NRG1: variants seen among roughly 807,000 people sequenced by gnomAD.
The protein encoded by NRG1 is pro-neuregulin-1, membrane-bound isoform.
Under a neutral mutation model 63.8 loss-of-function variants are expected in NRG1, and 18 were observed. The ratio of observed to expected loss-of-function variants is 0.28; its 90% CI spans 0.19 to 0.42. The LOEUF is 0.42. Among genes scored for constraint, NRG1 ranks in the 10% least tolerant of loss-of-function variants. NRG1 has a pLI of 1.00. For missense variants in NRG1, 762 were observed against 814.7 expected (o/e 0.94, Z 0.79); for synonymous variants, 302 against 301.3 (o/e 1.00, Z -0.02).
chr8:31,750,560 A>C (rs868119906), intron 1 of NRG1, among the ~76,000 whole-genome samples: 11 of 152,106 alleles, frequency 7.2e-5, no homozygotes, highest in Middle Eastern at 3.4e-3. Context: ...GGACGTAATC[A>C]GTAGAGAGAA....
At position 32,090,877 on chromosome 8, in the gene NRG1, G is replaced by C. The variant is rs549746204; in HGVS notation, c.37+451446G>C. 5.3e-5 allele frequency among the ~76,000 whole-genome samples: 8 copies of C among 152,220 alleles called. No individual in the cohort carries two copies. In the South Asian group the frequency reaches 1.5e-3, roughly 28 times the overall value. On this transcript the variant is annotated intron_variant, in intron 1 of 10. Coordinates refer to the NRG1 transcript ENST00000519301. ...CATACTCTACATTAGTCACTACCAC[G>C]ACCATCATCATCATTATGACCAAAA...
At chr8:31,843,152 G>A (rs1826353738) in intron 1 of NRG1, among the ~76,000 whole-genome samples, 1 of 151,934 alleles carries the variant, frequency 6.6e-6, no homozygotes, top group Non-Finnish European at 1.5e-5. Context: ...GAATTTCAGT[G>A]AACCTTGCAG....
intron 8 of NRG1, 41 bp from the exon 9 acceptor site, chr8:32,756,362 A>C: frequency 6.3e-7 from 1 of 1,598,266 alleles, no homozygotes; most frequent in Non-Finnish European, 8.5e-7. Flanking sequence ...ATGAAATGAA[A>C]ATAATCAAAA....
chr8:31,904,322 C>T (rs1042987538), intron 1 of NRG1, among the ~76,000 whole-genome samples: 2 of 152,138 alleles, frequency 1.3e-5, no homozygotes, highest in Admixed American at 1.3e-4. Context: ...ATCGCTGAAG[C>T]TGTCAAGATC....
intron 1 of NRG1, among the ~76,000 whole-genome samples, chr8:31,909,915 C>T (rs567126424): frequency 1.4e-4 from 22 of 152,202 alleles, no homozygotes; most frequent in African/African-American, 4.1e-4. Flanking sequence ...AGCCACTCTT[C>T]GTGATGTGAG....
At chr8:32,450,028 G>A (rs1287560557) in intron 1 of NRG1, among the ~76,000 whole-genome samples, 1 of 152,162 alleles carries the variant, frequency 6.6e-6, no homozygotes, top group African/African-American at 2.4e-5. Flanking sequence ...TAACTGAACT[G>A]TGATTGAATT....
intron 1 of NRG1, among the ~76,000 whole-genome samples, chr8:32,313,746 A>G (rs1857072374): frequency 9.2e-5 from 14 of 152,314 alleles, no homozygotes; most frequent in Admixed American, 9.1e-4. Flanking sequence ...TATTTTTAAA[A>G]CATCATAAGG....
chr8:32,004,659 G>A, intron 1 of NRG1, among the ~76,000 whole-genome samples: 1 of 151,828 alleles, frequency 6.6e-6, no homozygotes, highest in East Asian at 1.9e-4. Flanking sequence ...GAAAATATGG[G>A]AAGTATGGAT....
chr8:32,759,489 A>G (rs1830308082), intron 10 of NRG1, 53 bp downstream of exon 10: 1 of 1,587,206 alleles, frequency 6.3e-7, no homozygotes, highest in Non-Finnish European at 8.6e-7. Flanking sequence ...ATTGTTGCAC[A>G]TTGCCTTTTG....
At chr8:31,809,153 A>G (rs988167225) in intron 1 of NRG1, among the ~76,000 whole-genome samples, 2 of 151,790 alleles carry the variant, frequency 1.3e-5, no homozygotes, top group Non-Finnish European at 2.9e-5. Context: ...TCTGTAAGTA[A>G]TATACCTGTT....
intron 1 of NRG1, among the ~76,000 whole-genome samples, chr8:31,792,607 G>T (rs1207927557): frequency 2.6e-5 from 4 of 152,154 alleles, no homozygotes; most frequent in Admixed American, 1.3e-4. Flanking sequence ...TCATTGTAGG[G>T]CTTAGTAAGC....
chr8:32,589,187 G>C (rs1842121483), intron 1 of NRG1, among the ~76,000 whole-genome samples: 1 of 152,210 alleles, frequency 6.6e-6, no homozygotes, highest in Admixed American at 6.5e-5. Flanking sequence ...TGTGAGTGCA[G>C]CTCAGAAGAG....
chr8:32,773,581 C>A (rs1289647080), intron 7 of NRG1, among the ~76,000 whole-genome samples: 1 of 152,184 alleles, frequency 6.6e-6, no homozygotes, highest in African/African-American at 2.4e-5. Flanking sequence ...GTACCACTGA[C>A]AGGTCACACA....
At position 31,995,041 on chromosome 8, in the gene NRG1, T is replaced by C. The variant is rs147897493; in HGVS notation, c.37+355610T>C. Among the ~76,000 whole-genome samples, 13 of 152,106 alleles carry C rather than the reference T, an allele frequency of 8.5e-5. No individual in the cohort carries two copies. In the East Asian group the frequency reaches 2.5e-3, roughly 30 times the overall value. Reference sequence around the variant, plus strand: ...GCAACAGATTCTCTAATAACATCTTTTGTTTTTCTAAAGTTTATTCCCATA... The same window carrying C: ...GCAACAGATTCTCTAATAACATCTTCTGTTTTTCTAAAGTTTATTCCCATA... On this transcript the variant is annotated intron_variant, in intron 1 of 10. Coordinates refer to the NRG1 transcript ENST00000519301.
intron 1 of NRG1, among the ~76,000 whole-genome samples, chr8:32,087,953 G>A (rs1048764964): frequency 8.5e-5 from 13 of 152,114 alleles, no homozygotes; most frequent in Admixed American, 6.5e-4. Flanking sequence ...GAATGCTTCT[G>A]GTACTTCCCT....
Position 32,742,546 on chromosome 8 carries a change from A to T in NRG1, c.633-129A>T. On this transcript the variant is annotated intron_variant, in intron 6 of 11. Transcript: ENST00000356819. The surrounding 1 kb of genome is among the most constrained non-coding windows in gnomAD (Gnocchi z 4.2). The stretch of plus-strand genomic sequence containing the variant: ...CCTGAAAGCCATGATCAGGGCAAAG[A>T]TTCAGTTCCTGAGGGTGAACTCACC... 2.5e-6 allele frequency: 2 copies of T among 792,678 alleles called. No homozygotes were observed. Among genetic ancestry groups the T allele is most frequent in the Non-Finnish European group, 4.1e-6 (2 of 489,346 alleles). 49.1% of individuals were successfully genotyped at this position (792,678 alleles called of 1,614,324 possible).
At chr8:31,676,857 C>A (rs954941470) in intron 1 of NRG1, among the ~76,000 whole-genome samples, 1 of 152,174 alleles carries the variant, frequency 6.6e-6, no homozygotes, top group African/African-American at 2.4e-5. Context: ...GAATTACCTA[C>A]ATGGGAAGTT....
intron 1 of NRG1, among the ~76,000 whole-genome samples, chr8:32,429,861 T>C (rs534999701): frequency 6.6e-6 from 1 of 152,200 alleles, no homozygotes; most frequent in Admixed American, 6.5e-5. Context: ...ACCATGTACA[T>C]TTTTAAGAAA....
chr8:32,430,125 T>C (rs373219051), intron 1 of NRG1, among the ~76,000 whole-genome samples: 2 of 152,174 alleles, frequency 1.3e-5, no homozygotes, highest in African/African-American at 2.4e-5. Context: ...ACAGTGCTAC[T>C]ATTATTGCTG....
Sources: allele counts gnomAD v4.1 joint callset (sites outside exome capture counted in the v4.1 genomes callset), GRCh38; gene constraint gnomAD v4.1.1; non-coding constraint Gnocchi (gnomAD v3.1); transcripts MANE v1.5; gene names NCBI Gene and HGNC (gene_info 2026-07-23, HGNC 2026-07-21).